Variants in DSG2 observed in about 807,000 individuals in gnomAD.
DSG2 encodes the protein desmoglein-2.
Under a neutral mutation model 75.6 loss-of-function variants are expected in DSG2, and 45 were observed. The observed-to-expected ratio is 0.60, with a 90% CI of 0.47 to 0.76. The LOEUF is 0.76. Ranked by LOEUF, DSG2 falls within the 30% of genes least tolerant of loss-of-function variation. The probability of loss-of-function intolerance (pLI) is 0.00; values close to 1 mark genes in which losing one functional copy is unlikely to be tolerated. For synonymous variants in DSG2, 429 were observed against 483.9 expected, an observed-to-expected ratio of 0.89 and a Z score of 1.49; for missense variants, 1,267 against 1,357.4, an observed-to-expected ratio of 0.93 and a Z score of 1.05.
chr18:31,527,101 T>G (rs2073167361), intron 8 of DSG2, among the ~76,000 whole-genome samples: 2 of 152,214 alleles, frequency 1.3e-5, no homozygotes, highest in African/African-American at 4.8e-5. Context: ...TGGTGAGTGC[T>G]CTATACAGCT....
At chr18:31,516,876 T>G (rs1380098097) in intron 1 of DSG2, among the ~76,000 whole-genome samples, 2 of 152,212 alleles carry the variant, frequency 1.3e-5, no homozygotes, top group African/African-American at 4.8e-5. Context: ...TGCTAGCTGC[T>G]CCGGTAGAAC....
chr18:31,531,303 C>T, intron 9 of DSG2, 51 bp downstream of exon 9: 2 of 1,594,582 alleles, frequency 1.3e-6, no homozygotes, highest in Non-Finnish European at 1.7e-6. Flanking sequence ...TTTTCAGTGC[C>T]TATTTTCAAA....
At chr18:31,523,349 T>C (rs972737011) in intron 6 of DSG2, among the ~76,000 whole-genome samples, 11 of 151,946 alleles carry the variant, frequency 7.2e-5, no homozygotes, top group Non-Finnish European at 1.5e-4. Context: ...TGCAGTGAGC[T>C]GAGATCGCGC....
chr18:31,523,149 G>C lies in DSG2; in HGVS notation c.690+900G>C, dbSNP rs371085060. ...GGGCGTGGTGGCTCATGCCTGTAATGCCAGCACTTTGGGAGGCTGAGGCGG... is the reference window on the plus strand; with the variant it reads ...GGGCGTGGTGGCTCATGCCTGTAATCCCAGCACTTTGGGAGGCTGAGGCGG... On this transcript the variant is annotated intron_variant, in intron 6 of 14. Coordinates refer to ENST00000261590, the MANE Select transcript of DSG2 (RefSeq NM_001943.5). 2.4e-4 allele frequency among the ~76,000 whole-genome samples: 36 copies of C among 152,236 alleles called. No individual in the cohort carries two copies. In the East Asian group the frequency reaches 3.5e-3, roughly 15 times the overall value.
chr18:31,522,321 C>T, intron 6 of DSG2, 72 bp downstream of exon 6: 1 of 1,448,392 alleles, frequency 6.9e-7, no homozygotes, highest in Non-Finnish European at 9.7e-7. Flanking sequence ...TTTTTCTTTT[C>T]TAATTTTCTT....
Position 31,524,598 on chromosome 18 carries a change from C to A in DSG2, c.828+13C>A, listed in dbSNP as rs180926981. On this transcript the variant is annotated intron_variant, in intron 7 of 14. Coordinates refer to ENST00000261590, the MANE Select transcript of DSG2 (RefSeq NM_001943.5). The stretch of plus-strand genomic sequence containing the variant: ...AGAAAATAAAGTGGTAACTATTATT[C>A]TTCTAATAACTGTACCTATTTATTT... 104 of 1,610,444 alleles carry A rather than the reference C, an allele frequency of 6.5e-5. No individual in the cohort carries two copies. The highest frequency in any genetic ancestry group is 8.1e-5 in the Non-Finnish European group (95 of 1,176,944).
At chr18:31,542,227 A>T (rs1311355850) in intron 13 of DSG2, 1 of 459,728 alleles carries the variant, frequency 2.2e-6, no homozygotes, top group Non-Finnish European at 4.0e-6. Flanking sequence ...AGAAGAAGGT[A>T]TCAAACTGTA....
chr18:31,521,942 A>G (rs959106713), intron 5 of DSG2, 141 bp from the exon 6 acceptor site: 2 of 711,100 alleles, frequency 2.8e-6, no homozygotes, highest in South Asian at 3.6e-5. Flanking sequence ...ATCCAGTTAA[A>G]TGTTATATTG....
chr18:31,534,730 A>G (rs994751861), intron 9 of DSG2, among the ~76,000 whole-genome samples: 1 of 151,934 alleles, frequency 6.6e-6, no homozygotes, highest in Non-Finnish European at 1.5e-5. Context: ...GGCTGGTCTC[A>G]AACTCCTGAC....
At chr18:31,500,362 A>C (rs955154986) in intron 1 of DSG2, among the ~76,000 whole-genome samples, 8 of 152,178 alleles carry the variant, frequency 5.3e-5, no homozygotes, top group Non-Finnish European at 1.2e-4. Flanking sequence ...CCACAGTCTG[A>C]AAAACTGCTG....
intron 1 of DSG2, among the ~76,000 whole-genome samples, chr18:31,498,986 G>C (rs2072999646): frequency 6.6e-6 from 1 of 152,084 alleles, no homozygotes; most frequent in Admixed American, 6.5e-5. Context: ...TGGAAGTGTA[G>C]CGCCCCCTCC....
At position 31,538,994 on chromosome 18, in the gene DSG2, C is replaced by A. The variant is rs2073249951; in HGVS notation, c.1879+16C>A. On this transcript the variant is annotated intron_variant, in intron 12 of 14. Coordinates refer to ENST00000261590, the MANE Select transcript of DSG2 (RefSeq NM_001943.5). ...CTCCTGCTATGTAAGTCTTTAAAAG[C>A]CACTCTGTTGTGCTTTTGGGAATCT... is the stretch of plus-strand genomic sequence containing the variant. The A allele has an allele frequency of 6.2e-7, 1 of 1,610,310 alleles. No homozygotes were observed. The highest frequency in any genetic ancestry group is 8.5e-7 in the Non-Finnish European group (1 of 1,178,820).
At chr18:31,507,287 A>G (rs1454601049) in intron 1 of DSG2, among the ~76,000 whole-genome samples, 1 of 152,148 alleles carries the variant, frequency 6.6e-6, no homozygotes, top group Non-Finnish European at 1.5e-5. Flanking sequence ...ATAGTATTCC[A>G]TGGTGTATAT....
At chr18:31,509,082 T>C (rs1327510741) in intron 1 of DSG2, among the ~76,000 whole-genome samples, 6 of 152,172 alleles carry the variant, frequency 3.9e-5, no homozygotes, top group African/African-American at 1.4e-4. Context: ...TAAAAAGCCC[T>C]ATGTCAAGGG....
Position 31,539,322 on chromosome 18 carries a change from A to C in DSG2, c.1879+344A>C, listed in dbSNP as rs143563337. On this transcript the variant is annotated intron_variant, in intron 12 of 14. Coordinates refer to ENST00000261590, the MANE Select transcript of DSG2 (RefSeq NM_001943.5). ...CCCAGTGTGTGGAACAGAGCCTTGC[A>C]TGTAGTAAGCGCTCAAAAAAGATGT... 2.7e-3 allele frequency among the ~76,000 whole-genome samples: 407 copies of C among 152,284 alleles called. 3 individuals carry two copies. The highest frequency in any genetic ancestry group is 8.9e-3 in the African/African-American group (370 of 41,546).
intron 1 of DSG2, among the ~76,000 whole-genome samples, chr18:31,514,721 A>G (rs1257506851): frequency 6.6e-6 from 1 of 152,248 alleles, no homozygotes; most frequent in Non-Finnish European, 1.5e-5. Context: ...CCTTTTAACA[A>G]GGTCCCCAGT....
chr18:31,516,550 A>G (rs1344641209), intron 1 of DSG2, among the ~76,000 whole-genome samples: 2 of 152,222 alleles, frequency 1.3e-5, no homozygotes, highest in Non-Finnish European at 2.9e-5. Context: ...ACTTTTGAGG[A>G]TGAAAGGGTT....
intron 1 of DSG2, among the ~76,000 whole-genome samples, chr18:31,513,938 T>G (rs2073080191): frequency 6.6e-6 from 1 of 152,086 alleles, no homozygotes; most frequent in Admixed American, 6.6e-5. Flanking sequence ...TAAACCCAAA[T>G]TGGAGGACAC....
chr18:31,522,529 C>T (rs1472615512), intron 6 of DSG2: 2 of 255,410 alleles, frequency 7.8e-6, no homozygotes, highest in Non-Finnish European at 7.6e-6. Context: ...CAAAATATGA[C>T]CTTAATGTTT....
Sources: gnomAD v4.1 joint callset for allele counts (sites outside exome capture counted in the v4.1 genomes callset) on GRCh38, gnomAD v4.1.1 for gene constraint, MANE v1.5 for transcripts, NCBI Gene and HGNC (gene_info 2026-07-23, HGNC 2026-07-21) for gene names.